Variants in MACROD2 observed in about 807,000 individuals in gnomAD.
The protein encoded by MACROD2 is mono-ADP ribosylhydrolase 2.
A neutral mutation model predicts 70.4 loss-of-function variants in MACROD2; 36 were observed. The ratio of observed to expected loss-of-function variants is 0.51; its 90% CI spans 0.39 to 0.68. MACROD2 has a LOEUF of 0.68. MACROD2 is among the 30% of genes least tolerant of loss of function. The pLI is 0.00. For missense variants in MACROD2, 496 were observed against 538.4 expected, an observed-to-expected ratio of 0.92 and a Z score of 0.78; for synonymous variants, 172 against 178.8, an observed-to-expected ratio of 0.96 and a Z score of 0.30.
At chr20:14,309,466 C>A (rs2082547672) in intron 3 of MACROD2, among the ~76,000 whole-genome samples, 1 of 152,138 alleles carries the variant, frequency 6.6e-6, no homozygotes, top group Non-Finnish European at 1.5e-5. Context: ...TTTGTATTTT[C>A]TAAATTCTTG....
chr20:15,340,983 G>C, intron 6 of MACROD2, among the ~76,000 whole-genome samples: 1 of 152,138 alleles, frequency 6.6e-6, no homozygotes, highest in South Asian at 2.1e-4. Context: ...AGAGAGTTGG[G>C]AATGAAAGGA....
chr20:14,838,703 T>G (rs1345176691), intron 5 of MACROD2, among the ~76,000 whole-genome samples: 1 of 152,178 alleles, frequency 6.6e-6, no homozygotes, highest in African/African-American at 2.4e-5. Context: ...TTAAACATGA[T>G]ACACTGAAGT....
chr20:15,151,704 A>T (rs1418598632), intron 5 of MACROD2, among the ~76,000 whole-genome samples: 2 of 152,016 alleles, frequency 1.3e-5, no homozygotes, highest in African/African-American at 4.8e-5. Flanking sequence ...CTGATTTGGG[A>T]TAAAGGAAAA....
intron 13 of MACROD2, among the ~76,000 whole-genome samples, chr20:15,975,045 T>C (rs1169039446): frequency 6.6e-6 from 1 of 151,954 alleles, no homozygotes; most frequent in Non-Finnish European, 1.5e-5. Context: ...AAAAAGTGTG[T>C]GTGAACCAGT....
At chr20:14,530,749 C>G (rs147767461) in intron 4 of MACROD2, among the ~76,000 whole-genome samples, 114 of 152,264 alleles carry the variant, frequency 7.5e-4, no homozygotes, top group African/African-American at 2.5e-3. Context: ...AATAATTTAT[C>G]TTAAATTTTT....
chr20:14,237,543 TTTA>T (rs1193145241), intron 3 of MACROD2, among the ~76,000 whole-genome samples: 11 of 151,250 alleles, frequency 7.3e-5, no homozygotes, highest in African/African-American at 1.7e-4. Context: ...ATTTATTTAT[TTTA>T]TTATTATTAT....
At chr20:14,317,300 T>G (rs1238890776) in intron 3 of MACROD2, among the ~76,000 whole-genome samples, 1 of 152,134 alleles carries the variant, frequency 6.6e-6, no homozygotes, top group Non-Finnish European at 1.5e-5. Context: ...GTTTTTCACT[T>G]TATATTCCTT....
chr20:14,752,782 G>T lies in MACROD2; in HGVS notation c.418+67823G>T, dbSNP rs146877663. 1.5e-3 allele frequency among the ~76,000 whole-genome samples: 232 copies of T among 152,138 alleles called. 1 individual carries two copies. Among genetic ancestry groups the T allele is most frequent in the Middle Eastern group, 0.01 (3 of 294 alleles). ...AAACATATCATGAGACACAGATTTT[G>T]TAGGGCATTTATTTGGAATATGAGG... On this transcript the variant is annotated intron_variant, in intron 5 of 17. Coordinates refer to ENST00000684519, the MANE Select transcript of MACROD2 (RefSeq NM_001351661.2).
In MACROD2 at chr20:14,506,527, T is replaced by TA. The variant is rs940559836; in HGVS notation, c.301+13028dup. 5.3e-5 allele frequency among the ~76,000 whole-genome samples: 8 copies of TA among 151,082 alleles called. No homozygotes were observed. The East Asian group carries it at 7.8e-4, about 15-fold the overall frequency. ...CAGAATTAAAAATAAAAAGCAAGAA[T>TA]AAAAAAAAATCCAGGCAAAGATGTC... On this transcript the variant is annotated intron_variant, in intron 4 of 17. Coordinates refer to ENST00000684519, the MANE Select transcript of MACROD2 (RefSeq NM_001351661.2).
Position 14,224,203 on chromosome 20 carries a change from A to G in MACROD2, c.271+138475A>G, listed in dbSNP as rs114713077. ...TGGTCTAGGCAAGTTGACACATAAA[A>G]CTATCACAGGAACTTGTTTTTGGAA... On this transcript the variant is annotated intron_variant, in intron 3 of 17. Transcript: ENST00000684519. 1.8e-3 allele frequency among the ~76,000 whole-genome samples: 273 copies of G among 152,284 alleles called. 1 individual carries two copies. The highest frequency in any genetic ancestry group is 6.4e-3 in the African/African-American group (266 of 41,558).
chr20:15,747,180 A>G (rs1486541915), intron 8 of MACROD2, among the ~76,000 whole-genome samples: 1 of 152,140 alleles, frequency 6.6e-6, no homozygotes, highest in East Asian at 1.9e-4. Context: ...GCACCTGAGA[A>G]AAATGTCTTC....
Position 15,263,112 on chromosome 20 carries a change from G to A in MACROD2, c.540+33051G>A, listed in dbSNP as rs1018007322. On this transcript the variant is annotated intron_variant, in intron 6 of 17. Transcript: ENST00000684519. ...GTGGGGTATTACTGAAGGAATCTTT[G>A]CCCAGACCAATGTCCTGGAGAGTAT... Among the ~76,000 whole-genome samples the A allele has an allele frequency of 4.6e-5, 7 of 152,028 alleles. No individual in the cohort carries two copies. The South Asian group carries it at 1.5e-3, about 32-fold the overall frequency.
At chr20:15,808,705 T>C (rs1264049914) in intron 8 of MACROD2, among the ~76,000 whole-genome samples, 1 of 152,222 alleles carries the variant, frequency 6.6e-6, no homozygotes, top group East Asian at 1.9e-4. Flanking sequence ...ATAAAGGATC[T>C]AGTCTCAAAG....
chr20:15,948,587 C>T (rs950210986), intron 12 of MACROD2, among the ~76,000 whole-genome samples: 1 of 151,850 alleles, frequency 6.6e-6, no homozygotes, highest in African/African-American at 2.4e-5. Context: ...TATAAAAGTA[C>T]ATTCAAGCCC....
chr20:15,615,320 A>T (rs2049022702), intron 8 of MACROD2, among the ~76,000 whole-genome samples: 1 of 152,212 alleles, frequency 6.6e-6, no homozygotes, highest in Admixed American at 6.5e-5. Context: ...GATGTGAAAG[A>T]GGAATTTTCA....
chr20:15,096,040 A>G (rs1046923717), intron 5 of MACROD2, among the ~76,000 whole-genome samples: 3 of 152,138 alleles, frequency 2.0e-5, no homozygotes, highest in African/African-American at 7.2e-5. Context: ...CTAACAAAAG[A>G]GTGTTTTTCC....
At position 15,694,169 on chromosome 20, in the gene MACROD2, T is replaced by C. The variant is rs377677273; in HGVS notation, c.646-168576T>C. On this transcript the variant is annotated intron_variant, in intron 8 of 17. Transcript: ENST00000684519. ...TTTGCTGTTGTGAATTGTGCTGCTA[T>C]AAACATGCATGTGCAAGTATCTTTT... Among the ~76,000 whole-genome samples the C allele has an allele frequency of 1.3e-3, 196 of 152,354 alleles. 1 individual carries two copies. Among genetic ancestry groups the C allele is most frequent in the South Asian group, 0.011 (55 of 4,830 alleles).
intron 7 of MACROD2, among the ~76,000 whole-genome samples, chr20:15,481,612 TAAAAG>T (rs78572855): frequency 0.035 from 5,355 of 151,974 alleles, 110 homozygotes; most frequent in South Asian, 0.048. Flanking sequence ...ATTATGGTTA[TAAAAG>T]AAAAGAAAAG....
chr20:14,354,490 A>T (rs1418069753), intron 3 of MACROD2, among the ~76,000 whole-genome samples: 2 of 152,132 alleles, frequency 1.3e-5, no homozygotes, highest in Non-Finnish European at 2.9e-5. Context: ...GCTATATCCT[A>T]GCAGTTTTTA....
Sources: gnomAD v4.1 joint callset for allele counts (sites outside exome capture counted in the v4.1 genomes callset) on GRCh38, gnomAD v4.1.1 for gene constraint, MANE v1.5 for transcripts, NCBI Gene and HGNC (gene_info 2026-07-23, HGNC 2026-07-21) for gene names.